Variants in TSNARE1 observed in about 807,000 individuals in gnomAD.
TSNARE1 encodes the protein t-SNARE domain containing 1.
TSNARE1 carries 49 observed loss-of-function variants against 62.0 expected under a neutral mutation model. The observed-to-expected ratio is 0.79, with a 90% CI of 0.63 to 1.00. The LOEUF is 1.00. Ranked by LOEUF, TSNARE1 falls within the 50% of genes least tolerant of loss-of-function variation. TSNARE1 has a pLI of 0.00. For synonymous variants in TSNARE1, 328 were observed against 294.4 expected, an observed-to-expected ratio of 1.11 and a Z score of -1.17; for missense variants, 755 against 700.1, an observed-to-expected ratio of 1.08 and a Z score of -0.88.
At chr8:142,348,331 C>G (rs536940164) in intron 2 of TSNARE1, among the ~76,000 whole-genome samples, 1 of 152,274 alleles carries the variant, frequency 6.6e-6, no homozygotes, top group African/African-American at 2.4e-5. Context: ...CATCGTCTCC[C>G]TAAAGCCAGA....
intron 13 of TSNARE1, among the ~76,000 whole-genome samples, chr8:142,228,038 C>G (rs191159324): frequency 6.6e-6 from 1 of 152,302 alleles, no homozygotes; most frequent in East Asian, 1.9e-4. Flanking sequence ...GGCACTGAGC[C>G]TCCATTCCAC....
intron 12 of TSNARE1, among the ~76,000 whole-genome samples, chr8:142,240,858 T>C (rs1817641814): frequency 1.3e-5 from 2 of 152,224 alleles, no homozygotes; most frequent in Admixed American, 6.5e-5. Flanking sequence ...GGAAGATTTA[T>C]AGGCTCTAGA....
chr8:142,274,719 G>A (rs1026987645), intron 12 of TSNARE1, 62 bp downstream of exon 12: 4 of 1,429,800 alleles, frequency 2.8e-6, no homozygotes, highest in Non-Finnish European at 3.7e-6. Context: ...ACGGAGGGAG[G>A]GTTGGAGGAT....
At chr8:142,300,347 G>T in intron 10 of TSNARE1, 139 bp downstream of exon 10, 1 of 979,506 alleles carries the variant, frequency 1.0e-6, no homozygotes, top group Non-Finnish European at 1.5e-6. Context: ...GTTAGAATGG[G>T]CAAGGCCATG....
intron 13 of TSNARE1, among the ~76,000 whole-genome samples, chr8:142,222,748 TCATC>T (rs1816439081): frequency 1.9e-5 from 2 of 104,954 alleles, no homozygotes; most frequent in Non-Finnish European, 4.1e-5. Context: ...ACTCACTCAC[TCATC>T]CACTCACTCA....
Position 142,273,693 on chromosome 8 carries a change from C to T in TSNARE1, c.1446+1088G>A, listed in dbSNP as rs993870685. On this transcript the variant is annotated intron_variant, in intron 12 of 13. Coordinates refer to ENST00000524325, the MANE Select transcript of TSNARE1 (RefSeq NM_145003.5). ...GGATCAGCCTCCCCGTTACCACACACTCCCACAGTGGGGGTGCCCGGGCTG... is the reference window on the plus strand; with the variant it reads ...GGATCAGCCTCCCCGTTACCACACATTCCCACAGTGGGGGTGCCCGGGCTG... 19 of 985,334 alleles carry T rather than the reference C, an allele frequency of 1.9e-5. No individual in the cohort carries two copies. The African/African-American group carries it at 3.1e-4, about 16-fold the overall frequency. 61.0% of individuals were successfully genotyped at this position (985,334 alleles called of 1,614,324 possible). A position where few individuals can be genotyped will look rare whatever the true frequency, so the allele number is the denominator to read the frequency against.
At chr8:142,231,864 C>A (rs904634885) in intron 12 of TSNARE1, among the ~76,000 whole-genome samples, 34 of 152,340 alleles carry the variant, frequency 2.2e-4, no homozygotes, top group African/African-American at 7.7e-4. Flanking sequence ...ACACCCTGCC[C>A]CATAAGCCCC....
chr8:142,229,583 G>A lies in TSNARE1; in HGVS notation c.1447-4C>T. 6.2e-7 allele frequency: 1 copy of A among 1,611,016 alleles called. No individual in the cohort carries two copies. The highest frequency in any genetic ancestry group is 1.3e-5 in the African/African-American group (1 of 74,834). On this transcript the variant is annotated splice_region_variant and splice_polypyrimidine_tract_variant and intron_variant, in intron 12 of 13. Coordinates refer to ENST00000524325, the MANE Select transcript of TSNARE1 (RefSeq NM_145003.5). ...ACTTGATCTTGTGTCTCTGGAGCTG[G>A]GAGAGAGAGAGAGGTTGTTTCCATA...
chr8:142,299,648 C>T (rs1415888734), intron 10 of TSNARE1, among the ~76,000 whole-genome samples: 2 of 152,142 alleles, frequency 1.3e-5, no homozygotes, highest in Admixed American at 6.5e-5. Flanking sequence ...CTCACGCACG[C>T]ACGCATACTT....
chr8:142,225,086 C>T (rs915914017), intron 13 of TSNARE1, among the ~76,000 whole-genome samples: 2 of 152,092 alleles, frequency 1.3e-5, no homozygotes, highest in Non-Finnish European at 2.9e-5. Flanking sequence ...CCCTGCTTGG[C>T]CCCAAGGCCC....
At chr8:142,270,015 A>G in intron 12 of TSNARE1, 1 of 985,460 alleles carries the variant, frequency 1.0e-6, no homozygotes, top group Non-Finnish European at 1.2e-6. Context: ...TCCTGGGACC[A>G]GCATGCCTCC....
At chr8:142,277,727 C>T (rs369211750) in intron 11 of TSNARE1, 8 of 985,330 alleles carry the variant, frequency 8.1e-6, no homozygotes, top group South Asian at 4.7e-5. Context: ...GGGAGCCCAG[C>T]GGCCTGGGGA....
At chr8:142,251,433 C>T (rs1818157952) in intron 12 of TSNARE1, among the ~76,000 whole-genome samples, 1 of 151,886 alleles carries the variant, frequency 6.6e-6, no homozygotes, top group Non-Finnish European at 1.5e-5. Flanking sequence ...TGCTCATGCC[C>T]CTCCTGCAGC....
chr8:142,374,329 A>G (rs1197113940), intron 1 of TSNARE1, among the ~76,000 whole-genome samples: 6 of 151,914 alleles, frequency 3.9e-5, no homozygotes, highest in African/African-American at 1.2e-4. Flanking sequence ...AAAAGAAAAA[A>G]AAAAAGACTT....
chr8:142,369,004 G>A lies in TSNARE1; in HGVS notation c.-39-14241C>T, dbSNP rs184310299. ...GCAGAGTTTGACTGTCGCAGGGAGA[G>A]GGAAGGGTCACTGTGAAACCCCCGC... On this transcript the variant is annotated intron_variant, in intron 1 of 13. Transcript: ENST00000524325. 2.8e-4 allele frequency among the ~76,000 whole-genome samples: 43 copies of A among 152,314 alleles called. 1 individual carries two copies. The highest frequency in any genetic ancestry group is 2.8e-3 in the Admixed American group (43 of 15,308).
intron 10 of TSNARE1, among the ~76,000 whole-genome samples, chr8:142,295,478 T>C (rs1283582877): frequency 6.6e-6 from 1 of 152,204 alleles, no homozygotes; most frequent in Non-Finnish European, 1.5e-5. Context: ...GGAGCGGGCC[T>C]GTCTGGCGGA....
At chr8:142,296,441 G>T (rs1357146095) in intron 10 of TSNARE1, among the ~76,000 whole-genome samples, 1 of 138,130 alleles carries the variant, frequency 7.2e-6, no homozygotes, top group Non-Finnish European at 1.6e-5. Context: ...GGGAGGGGCG[G>T]TCACTGTCAT....
At chr8:142,270,101 T>C (rs1034402152) in intron 12 of TSNARE1, 73 of 985,266 alleles carry the variant, frequency 7.4e-5, no homozygotes, top group Non-Finnish European at 7.6e-5. Context: ...GGCCCCAGAC[T>C]AGCCAAGGCC....
chr8:142,277,437 T>C, intron 11 of TSNARE1: 1 of 985,326 alleles, frequency 1.0e-6, no homozygotes, highest in Non-Finnish European at 1.2e-6. Context: ...CCCACAGCCG[T>C]GACCAGCCCT....
Sources: gnomAD v4.1 joint callset for allele counts (sites outside exome capture counted in the v4.1 genomes callset) on GRCh38, gnomAD v4.1.1 for gene constraint, MANE v1.5 for transcripts, NCBI Gene and HGNC (gene_info 2026-07-23, HGNC 2026-07-21) for gene names.